C12orf42: variants seen among roughly 807,000 people sequenced by gnomAD.
The protein encoded by C12orf42 is uncharacterized protein C12orf42.
A neutral mutation model predicts 21.6 loss-of-function variants in C12orf42; 25 were observed. The ratio of observed to expected loss-of-function variants is 1.16; its 90% confidence interval spans 0.84 to 1.62. The LOEUF (loss-of-function observed/expected upper bound fraction) is 1.62. C12orf42 is among the 40% of genes most tolerant of loss of function. The pLI is 0.00. For missense variants in C12orf42, 483 were observed against 459.3 expected (o/e 1.05, Z -0.47); for synonymous variants, 174 against 175.0 (o/e 0.99, Z 0.05).
chr12:103,256,131 C>CGT (rs1218917667), intron 10 of C12orf42, among the ~76,000 whole-genome samples: 1 of 114,756 alleles, frequency 8.7e-6, no homozygotes, highest in African/African-American at 3.3e-5. Context: ...CACACACACA[C>CGT]ACACACACAC....
chr12:103,286,123 C>T lies in C12orf42; in HGVS notation n.338-8913G>A, dbSNP rs12579725. On this transcript the variant is annotated intron_variant and non_coding_transcript_variant, in intron 4 of 6. Transcript: ENST00000546526. ...AAAATCAGCTGGGCGTGGTGGCAGG[C>T]GCCTGTAGTCCCAGCTACTCCGGAG... Among the ~76,000 whole-genome samples, 1,744 of 151,934 alleles carry T rather than the reference C, an allele frequency of 0.011. 97 individuals are homozygous for T. The East Asian group carries it at 0.19, about 17-fold the overall frequency.
chr12:103,563,717 G>A, the C12orf42 span, among the ~76,000 whole-genome samples: 26 of 152,308 alleles, frequency 1.7e-4, no homozygotes, highest in South Asian at 4.8e-3. Context: ...AGACATCCAG[G>A]ACCTGCTGGA....
At chr12:103,551,959 T>A in the C12orf42 span, among the ~76,000 whole-genome samples, 2 of 152,324 alleles carry the variant, frequency 1.3e-5, no homozygotes, top group East Asian at 1.9e-4. Context: ...TTATACAGAC[T>A]TTTTTATCCA....
chr12:103,352,485 GTA>G (rs1169631597), intron 4 of C12orf42, among the ~76,000 whole-genome samples: 1 of 151,896 alleles, frequency 6.6e-6, no homozygotes, highest in African/African-American at 2.4e-5. Flanking sequence ...TTCTCCTTCT[GTA>G]TTATTTTTTC....
At chr12:103,309,558 C>G (rs544840086) in intron 4 of C12orf42, among the ~76,000 whole-genome samples, 31 of 152,124 alleles carry the variant, frequency 2.0e-4, no homozygotes, top group Non-Finnish European at 2.5e-4. Flanking sequence ...TATGAGAGGT[C>G]AGCACCCCTA....
At chr12:103,137,573 C>T in the C12orf42 span, among the ~76,000 whole-genome samples, 5 of 152,150 alleles carry the variant, frequency 3.3e-5, no homozygotes, top group African/African-American at 4.8e-5. Flanking sequence ...CTGGCATTCC[C>T]ATGTTTATCA....
chr12:103,312,459 A>T (rs1354948609), intron 4 of C12orf42, among the ~76,000 whole-genome samples: 1 of 152,208 alleles, frequency 6.6e-6, no homozygotes, highest in Non-Finnish European at 1.5e-5. Flanking sequence ...CAGAAGAAGA[A>T]ATGATATCTT....
chr12:103,343,605 C>T (rs2042349992), intron 4 of C12orf42, among the ~76,000 whole-genome samples: 1 of 151,682 alleles, frequency 6.6e-6, no homozygotes, highest in African/African-American at 2.4e-5. Flanking sequence ...ATGGTGAAAC[C>T]CCGTTTCTAC....
the C12orf42 span, among the ~76,000 whole-genome samples, chr12:103,529,956 G>C: frequency 5.9e-5 from 9 of 152,180 alleles, no homozygotes; most frequent in Admixed American, 2.0e-4. Flanking sequence ...CCAAAAGAAT[G>C]GGGCTTAGGA....
intron 2 of C12orf42, among the ~76,000 whole-genome samples, chr12:103,421,372 C>A (rs1006938102): frequency 2.6e-4 from 39 of 152,116 alleles, no homozygotes; most frequent in Middle Eastern, 3.4e-3. Flanking sequence ...GAGTCTGAGA[C>A]CAGCATGGGC....
At chr12:103,338,866 T>C (rs1321297266) in intron 4 of C12orf42, among the ~76,000 whole-genome samples, 2 of 152,146 alleles carry the variant, frequency 1.3e-5, no homozygotes, top group African/African-American at 4.8e-5. Context: ...TTGACTGATT[T>C]CAGCACTTTA....
chr12:103,381,544 G>A lies in C12orf42; in HGVS notation c.148-12546C>T, dbSNP rs565306223. 7.2e-5 allele frequency among the ~76,000 whole-genome samples: 11 copies of A among 152,320 alleles called. No individual in the cohort carries two copies. The South Asian group carries it at 1.7e-3, about 23-fold the overall frequency. On this transcript the variant is annotated intron_variant, in intron 3 of 5. Transcript: ENST00000548883. ...TAGGTGTACTCATCAGCACTCAGAA[G>A]CAATGTGTGCAGTGAACCAAAGCAC...
At chr12:103,372,647 AG>A (rs974495991) in intron 3 of C12orf42, among the ~76,000 whole-genome samples, 18 of 152,252 alleles carry the variant, frequency 1.2e-4, no homozygotes, top group Non-Finnish European at 2.2e-4. Flanking sequence ...TCTATGGTAT[AG>A]GAGGCTGGTC....
chr12:103,290,414 C>A (rs2036723227), intron 4 of C12orf42, among the ~76,000 whole-genome samples: 1 of 152,172 alleles, frequency 6.6e-6, no homozygotes, highest in South Asian at 2.1e-4. Context: ...GACAGTTAGA[C>A]TTTGAAGATG....
chr12:103,527,558 T>C, the C12orf42 span, among the ~76,000 whole-genome samples: 1 of 152,226 alleles, frequency 6.6e-6, no homozygotes, highest in African/African-American at 2.4e-5. Flanking sequence ...GTTCATGCTA[T>C]CATGAGTAGG....
intron 2 of C12orf42, among the ~76,000 whole-genome samples, chr12:103,471,491 A>T (rs2137879294): frequency 6.6e-6 from 1 of 152,380 alleles, no homozygotes; most frequent in Non-Finnish European, 1.5e-5. Flanking sequence ...GTTGAGTTGT[A>T]TGTTAAGCAG....
chr12:103,208,150 G>A, the C12orf42 span, among the ~76,000 whole-genome samples: 2 of 152,106 alleles, frequency 1.3e-5, no homozygotes, highest in South Asian at 2.1e-4. Context: ...GAGGCTAGTC[G>A]GCTATCGACT....
At chr12:103,536,913 AC>A in the C12orf42 span, among the ~76,000 whole-genome samples, 4 of 152,056 alleles carry the variant, frequency 2.6e-5, no homozygotes, top group African/African-American at 9.7e-5. Flanking sequence ...AGTGTTTATT[AC>A]TGTCTAACAT....
At chr12:103,210,053 CT>C in the C12orf42 span, among the ~76,000 whole-genome samples, 214 of 145,888 alleles carry the variant, frequency 1.5e-3, no homozygotes, top group Middle Eastern at 0.011. Context: ...TTCTTCCATA[CT>C]TTTTTTTTTT....
Sources: gnomAD v4.1 joint callset for allele counts (sites outside exome capture counted in the v4.1 genomes callset) on GRCh38, gnomAD v4.1.1 for gene constraint, MANE v1.5 for transcripts, NCBI Gene and HGNC (gene_info 2026-07-23, HGNC 2026-07-21) for gene names.